USH2A: variants seen among roughly 807,000 people sequenced by gnomAD.
USH2A encodes the protein usherin.
A neutral mutation model predicts 538.9 loss-of-function variants in USH2A; 443 were observed. The observed-to-expected ratio is 0.82, with a 90% CI of 0.76 to 0.89. The LOEUF (loss-of-function observed/expected upper bound fraction) is 0.89, where lower values mean the gene tolerates loss of function less well. Among genes scored for constraint, USH2A ranks in the 40% least tolerant of loss-of-function variants. USH2A has a pLI of 0.00. For synonymous variants in USH2A, 2,413 were observed against 2,273.5 expected, an observed-to-expected ratio of 1.06 and a Z score of -1.75; for missense variants, 6,633 against 6,324.8, an observed-to-expected ratio of 1.05 and a Z score of -1.65.
intron 38 of USH2A, among the ~76,000 whole-genome samples, chr1:215,909,322 G>A (rs2102477578): frequency 6.6e-6 from 1 of 151,950 alleles, no homozygotes; most frequent in Non-Finnish European, 1.5e-5. Context: ...GGAACACGGA[G>A]GCTTTTCAGA....
intron 60 of USH2A, among the ~76,000 whole-genome samples, chr1:215,733,982 G>C (rs374740256): frequency 1.3e-5 from 2 of 152,144 alleles, no homozygotes; most frequent in African/African-American, 4.8e-5. Flanking sequence ...AACAGACAGC[G>C]CCCTGATGGA....
In USH2A at chr1:215,972,086, A is replaced by G. The variant is rs116139189; in HGVS notation, c.6806-1310T>C. On this transcript the variant is annotated intron_variant, in intron 35 of 71. Coordinates refer to ENST00000307340, the MANE Select transcript of USH2A (RefSeq NM_206933.4). ...GCCCCAGCTACACATCCACGCTTCT[A>G]TAGCCTGTTCTGTACGGCTGAACCT... Among the ~76,000 whole-genome samples the G allele has an allele frequency of 1.9e-3, 287 of 152,314 alleles. 2 individuals carry two copies. Among genetic ancestry groups the G allele is most frequent in the African/African-American group, 6.6e-3 (274 of 41,574 alleles).
At chr1:215,977,173 C>T (rs1667638624) in intron 35 of USH2A, among the ~76,000 whole-genome samples, 1 of 151,610 alleles carries the variant, frequency 6.6e-6, no homozygotes, top group African/African-American at 2.4e-5. Flanking sequence ...AAATTAAAAC[C>T]CTTAACAGAC....
chr1:216,361,902 T>C (rs1234385916), intron 4 of USH2A, among the ~76,000 whole-genome samples: 1 of 152,212 alleles, frequency 6.6e-6, no homozygotes, highest in Non-Finnish European at 1.5e-5. Flanking sequence ...TGATTTTATT[T>C]GTATGATAGT....
At chr1:215,781,496 T>C (rs1041202416) in intron 54 of USH2A, among the ~76,000 whole-genome samples, 12 of 152,186 alleles carry the variant, frequency 7.9e-5, no homozygotes, top group African/African-American at 2.9e-4. Context: ...TACCAAGTTT[T>C]GTAGATTTTA....
chr1:216,342,289 A>G (rs1177989664), intron 4 of USH2A, among the ~76,000 whole-genome samples: 2 of 152,092 alleles, frequency 1.3e-5, no homozygotes, highest in Non-Finnish European at 2.9e-5. Flanking sequence ...AAACCATGAG[A>G]TACTATCTCA....
chr1:215,687,989 T>G (rs535526843), intron 61 of USH2A, among the ~76,000 whole-genome samples: 24 of 151,900 alleles, frequency 1.6e-4, no homozygotes, highest in Non-Finnish European at 2.9e-4. Flanking sequence ...GATCAAGACA[T>G]AGAGAGAGAA....
intron 16 of USH2A, among the ~76,000 whole-genome samples, chr1:216,205,897 T>C (rs555125668): frequency 1.3e-5 from 2 of 152,322 alleles, no homozygotes; most frequent in African/African-American, 4.8e-5. Context: ...TCTGAGTAAA[T>C]GTTTTTTAAA....
At chr1:215,835,595 A>T (rs1336982078) in intron 47 of USH2A, among the ~76,000 whole-genome samples, 2 of 152,136 alleles carry the variant, frequency 1.3e-5, no homozygotes, top group South Asian at 2.1e-4. Context: ...ATGCACAGCA[A>T]AGATGCAAGA....
At chr1:216,225,011 A>G (rs1387519871) in intron 14 of USH2A, among the ~76,000 whole-genome samples, 2 of 152,124 alleles carry the variant, frequency 1.3e-5, no homozygotes, top group Non-Finnish European at 2.9e-5. Flanking sequence ...GATTCAAATG[A>G]TTTTGAATCT....
intron 21 of USH2A, among the ~76,000 whole-genome samples, chr1:216,149,668 T>C (rs1341369513): frequency 6.6e-6 from 1 of 152,140 alleles, no homozygotes; most frequent in African/African-American, 2.4e-5. Context: ...CTTCCAGTGC[T>C]CTAGCAGGCT....
At chr1:216,389,991 A>G (rs1429829510) in intron 3 of USH2A, among the ~76,000 whole-genome samples, 3 of 135,922 alleles carry the variant, frequency 2.2e-5, no homozygotes, top group African/African-American at 7.7e-5. Context: ...AGAGAAAAAT[A>G]AAAAAAACTG....
chr1:216,363,088 TTA>T (rs1438642670), intron 4 of USH2A, among the ~76,000 whole-genome samples: 1 of 152,068 alleles, frequency 6.6e-6, no homozygotes, highest in East Asian at 1.9e-4. Context: ...GTCCAGTTAA[TTA>T]TATGTTAATA....
intron 40 of USH2A, among the ~76,000 whole-genome samples, chr1:215,897,912 TTATAA>T: frequency 1.3e-5 from 2 of 152,288 alleles, no homozygotes; most frequent in Admixed American, 1.3e-4. Flanking sequence ...ATGGGTGGTT[TTATAA>T]GCAATGCTTT....
intron 35 of USH2A, among the ~76,000 whole-genome samples, chr1:215,984,101 G>C (rs547053063): frequency 6.0e-4 from 91 of 152,332 alleles, no homozygotes; most frequent in African/African-American, 2.0e-3. Flanking sequence ...GCCAGAGAGA[G>C]AGGAAGCCCA....
intron 4 of USH2A, among the ~76,000 whole-genome samples, chr1:216,328,713 A>G (rs2037786798): frequency 6.6e-6 from 1 of 152,022 alleles, no homozygotes; most frequent in South Asian, 2.1e-4. Flanking sequence ...GGAGAGGAGA[A>G]TTAGCACACG....
chr1:215,775,922 A>G (rs2102757147), intron 55 of USH2A, among the ~76,000 whole-genome samples: 1 of 152,360 alleles, frequency 6.6e-6, no homozygotes. Context: ...TGCAATGATG[A>G]GTAATTTCTA....
chr1:216,056,272 C>T (rs539876402), intron 30 of USH2A, among the ~76,000 whole-genome samples: 35 of 152,148 alleles, frequency 2.3e-4, no homozygotes, highest in Non-Finnish European at 1.9e-4. Flanking sequence ...TTCAAGAAAA[C>T]ACTGGACCTG....
chr1:216,289,439 A>G (rs773702920), intron 10 of USH2A, 29 bp from the exon 11 acceptor site: 4 of 1,613,324 alleles, frequency 2.5e-6, no homozygotes, highest in Non-Finnish European at 2.5e-6. Flanking sequence ...ATGCATTATG[A>G]CTTCTAATTC....
Sources: gnomAD v4.1 joint callset for allele counts (sites outside exome capture counted in the v4.1 genomes callset) on GRCh38, gnomAD v4.1.1 for gene constraint, MANE v1.5 for transcripts, NCBI Gene and HGNC (gene_info 2026-07-23, HGNC 2026-07-21) for gene names.